Variants in CTIF observed in about 807,000 individuals in gnomAD.
CTIF encodes the protein CBP80/20-dependent translation initiation factor.
CTIF carries 21 observed loss-of-function variants against 66.0 expected under a neutral mutation model. That is an observed-to-expected ratio of 0.32 (90% CI 0.23 to 0.46). The LOEUF is 0.46. Among genes scored for constraint, CTIF ranks in the 20% least tolerant of loss-of-function variants. The pLI is 1.00. For synonymous variants in CTIF, 345 were observed against 326.4 expected, an observed-to-expected ratio of 1.06 and a Z score of -0.62; for missense variants, 739 against 812.7, an observed-to-expected ratio of 0.91 and a Z score of 1.10.
At chr18:48,685,548 A>G (rs762538983) in intron 6 of CTIF, among the ~76,000 whole-genome samples, 1 of 152,116 alleles carries the variant, frequency 6.6e-6, no homozygotes, top group Non-Finnish European at 1.5e-5. Flanking sequence ...TTAAGGGAAT[A>G]CCACAGAAAT....
At chr18:48,821,092 CCT>C (rs1262002657) in intron 10 of CTIF, among the ~76,000 whole-genome samples, 1 of 152,192 alleles carries the variant, frequency 6.6e-6, no homozygotes, top group African/African-American at 2.4e-5. Context: ...GTCATCTCTG[CCT>C]CTCTGTCTTC....
intron 1 of CTIF, among the ~76,000 whole-genome samples, chr18:48,597,063 G>T (rs919318007): frequency 6.6e-6 from 1 of 152,208 alleles, no homozygotes; most frequent in East Asian, 1.9e-4. Flanking sequence ...ATGCTGAGTG[G>T]GTGGAATAAG....
intron 6 of CTIF, among the ~76,000 whole-genome samples, chr18:48,681,322 C>G (rs1029559388): frequency 1.8e-4 from 27 of 152,194 alleles, no homozygotes; most frequent in Non-Finnish European, 3.8e-4. Flanking sequence ...GGCCAGGGAT[C>G]TGGAGGCAGC....
intron 10 of CTIF, among the ~76,000 whole-genome samples, chr18:48,842,966 AGATGGCAGCCT>A (rs1164057611): frequency 1.1e-4 from 16 of 152,260 alleles, no homozygotes; most frequent in South Asian, 1.0e-3. Context: ...AGCCAGAAGC[AGATGGCAGCCT>A]GAGCCCCCTG....
chr18:48,642,921 C>A (rs2090961021), intron 3 of CTIF, among the ~76,000 whole-genome samples: 1 of 152,178 alleles, frequency 6.6e-6, no homozygotes, highest in South Asian at 2.1e-4. Flanking sequence ...TTGTCACTTC[C>A]GCTCTGAGCT....
intron 7 of CTIF, among the ~76,000 whole-genome samples, chr18:48,712,793 G>A (rs542386184): frequency 2.0e-5 from 3 of 152,232 alleles, no homozygotes; most frequent in Non-Finnish European, 4.4e-5. Context: ...TGCACACCCT[G>A]AATAGGGATT....
chr18:48,726,045 A>G (rs1458998922), intron 7 of CTIF, among the ~76,000 whole-genome samples: 1 of 152,200 alleles, frequency 6.6e-6, no homozygotes. Context: ...TTGCTCAACT[A>G]TAAAATACGA....
chr18:48,711,864 G>A (rs1175200770), intron 7 of CTIF, among the ~76,000 whole-genome samples, 169 bp downstream of exon 7: 2 of 152,188 alleles, frequency 1.3e-5, no homozygotes, highest in Non-Finnish European at 2.9e-5. Flanking sequence ...CCCAGGGGCA[G>A]AGTGGCGGCT....
chr18:48,761,769 G>C lies in CTIF; in HGVS notation c.1371+80G>C. On this transcript the variant is annotated intron_variant, in intron 9 of 11. Coordinates refer to ENST00000256413, the MANE Select transcript of CTIF (RefSeq NM_014772.3). This position sits in a 1 kb window ranked among gnomAD's most constrained non-coding sequence, Gnocchi z 4.2. ...GAGTTATTCCTAGCGAGAAGGCTGC[G>C]AGTTCTGGCCACAGTTGGACTTTTC... 1 of 1,380,096 alleles carries C rather than the reference G, an allele frequency of 7.2e-7. No individual in the cohort carries two copies. Among genetic ancestry groups the C allele is most frequent in the Non-Finnish European group, 9.9e-7 (1 of 1,005,702 alleles). The allele number at this position is 1,380,096 out of a possible 1,614,324, so 85.5% of individuals were successfully genotyped here.
At position 48,782,637 on chromosome 18, in the gene CTIF, C is replaced by CCCACAGGG. The variant is rs1911338281; in HGVS notation, c.1371+20956_1371+20963dup. ...GCCCAGATCCCAGGCCCTCAGTGCA[C>CCCACAGGG]CCACAGGGCCACAGGTCAGGTGCCC... On this transcript the variant is annotated intron_variant, in intron 9 of 11. Transcript: ENST00000256413. Among the ~76,000 whole-genome samples, 10 of 152,336 alleles carry CCCACAGGG rather than the reference C, an allele frequency of 6.6e-5. No homozygotes were observed. The South Asian group carries it at 2.1e-3, about 32-fold the overall frequency.
intron 10 of CTIF, among the ~76,000 whole-genome samples, chr18:48,855,808 C>T (rs2069315016): frequency 6.6e-6 from 1 of 152,176 alleles, no homozygotes; most frequent in African/African-American, 2.4e-5. Context: ...ACTACCAGAA[C>T]CTGGTACCTT....
chr18:48,822,284 G>T (rs1176888565), intron 10 of CTIF, among the ~76,000 whole-genome samples: 2 of 152,108 alleles, frequency 1.3e-5, no homozygotes, highest in African/African-American at 2.4e-5. Flanking sequence ...AATGTGTAAT[G>T]ATCAGGTCAG....
intron 1 of CTIF, among the ~76,000 whole-genome samples, chr18:48,592,175 G>A (rs962357754): frequency 6.6e-6 from 1 of 152,102 alleles, no homozygotes; most frequent in African/African-American, 2.4e-5. Flanking sequence ...TCTAGCTGCC[G>A]AGAGACCCCA....
intron 2 of CTIF, 29 bp from the exon 3 acceptor site, chr18:48,636,585 G>C: frequency 6.7e-7 from 1 of 1,498,462 alleles, no homozygotes; most frequent in South Asian, 1.4e-5. Context: ...CTGTCCTGCC[G>C]TCACTGATCG....
intron 10 of CTIF, among the ~76,000 whole-genome samples, chr18:48,845,463 T>G (rs1317043787): frequency 1.3e-5 from 2 of 152,152 alleles, no homozygotes; most frequent in Non-Finnish European, 2.9e-5. Context: ...CGCCATTTCC[T>G]CCTGTTCTGC....
chr18:48,746,671 T>C (rs2092599175), intron 7 of CTIF, among the ~76,000 whole-genome samples: 1 of 151,812 alleles, frequency 6.6e-6, no homozygotes, highest in South Asian at 2.1e-4. Flanking sequence ...GAGGCCTCAG[T>C]GTGGCATGGT....
chr18:48,710,535 A>C (rs2092212599), intron 6 of CTIF, among the ~76,000 whole-genome samples: 1 of 152,194 alleles, frequency 6.6e-6, no homozygotes, highest in Non-Finnish European at 1.5e-5. Flanking sequence ...TCCACACCAG[A>C]ACACACTTTT....
intron 1 of CTIF, among the ~76,000 whole-genome samples, chr18:48,586,276 CTTTTTTTTTT>C (rs545720420): frequency 7.2e-6 from 1 of 138,488 alleles, no homozygotes; most frequent in African/African-American, 2.7e-5. Flanking sequence ...CACACTTTTA[CTTTTTTTTTT>C]TTTTTTTTGA....
chr18:48,573,537 A>T (rs2089466511), intron 1 of CTIF, among the ~76,000 whole-genome samples: 1 of 152,234 alleles, frequency 6.6e-6, no homozygotes, highest in African/African-American at 2.4e-5. Context: ...TAACAAGATA[A>T]GTTTCAAAAA....
Sources: allele counts gnomAD v4.1 joint callset (sites outside exome capture counted in the v4.1 genomes callset), GRCh38; gene constraint gnomAD v4.1.1; non-coding constraint Gnocchi (gnomAD v3.1); transcripts MANE v1.5; gene names NCBI Gene and HGNC (gene_info 2026-07-23, HGNC 2026-07-21).